STEAP1B: variants seen among roughly 807,000 people sequenced by gnomAD.
STEAP1B encodes STEAP family protein MGC87042.
STEAP1B carries 13 observed loss-of-function variants against 27.9 expected under a neutral mutation model. The observed-to-expected ratio is 0.47, with a 90% confidence interval of 0.30 to 0.74. The LOEUF is 0.74. Among genes scored for constraint, STEAP1B ranks in the 30% least tolerant of loss-of-function variants. The pLI is 0.06. For synonymous variants in STEAP1B, 86 were observed against 107.1 expected, an observed-to-expected ratio of 0.80 and a Z score of 1.22; for missense variants, 250 against 298.7, an observed-to-expected ratio of 0.84 and a Z score of 1.20.
intron 4 of STEAP1B, among the ~76,000 whole-genome samples, chr7:22,469,477 C>G (rs1785843200): frequency 6.6e-6 from 1 of 152,172 alleles, no homozygotes; most frequent in Non-Finnish European, 1.5e-5. Context: ...CACTTTCACT[C>G]ACCACTTGCT....
chr7:22,480,981 T>G (rs1171770538), intron 4 of STEAP1B, among the ~76,000 whole-genome samples: 1 of 152,258 alleles, frequency 6.6e-6, no homozygotes, highest in Non-Finnish European at 1.5e-5. Context: ...ATGTTCATAA[T>G]GGTTACCACT....
At chr7:22,467,700 C>A (rs576907128) in intron 4 of STEAP1B, among the ~76,000 whole-genome samples, 1 of 152,142 alleles carries the variant, frequency 6.6e-6, no homozygotes, top group Admixed American at 6.5e-5. Context: ...GTGAGACGTG[C>A]CTTTTACCTT....
Position 22,493,577 on chromosome 7 carries a change from T to A in STEAP1B, c.344A>T (p.Asn115Ile). Reference sequence around the variant, plus strand: ...GATGGAAACCATTGGCAAGACTTTGTTGATGACCAGGATTGGAATTTTATA... The same window carrying A: ...GATGGAAACCATTGGCAAGACTTTGATGATGACCAGGATTGGAATTTTATA... Reference protein sequence around the residue: ...YFYKIPILVINKVLPMVSITL... With the variant: ...YFYKIPILVIIKVLPMVSITL... The change falls in exon 3 of 5, where the codon AAC becomes ATC. Residue 115 changes from asparagine (N) to isoleucine (I), a missense_variant. Coordinates refer to ENST00000678116, the MANE Select transcript of STEAP1B (RefSeq NM_001382447.1). 1 of 1,613,944 alleles carries A rather than the reference T, an allele frequency of 6.2e-7. No homozygotes were observed. The highest frequency in any genetic ancestry group is 1.7e-5 in the Admixed American group (1 of 60,018).
chr7:22,439,727 G>C (rs1328293577), intron 4 of STEAP1B, among the ~76,000 whole-genome samples: 2 of 152,144 alleles, frequency 1.3e-5, no homozygotes, highest in Non-Finnish European at 2.9e-5. Context: ...CACTGTGATT[G>C]ATATTCCACT....
intron 4 of STEAP1B, among the ~76,000 whole-genome samples, chr7:22,454,843 A>ATATGTG (rs1235580449): frequency 1.1e-5 from 1 of 93,412 alleles, no homozygotes. Flanking sequence ...ATATATATAT[A>ATATGTG]TATATGTATA....
chr7:22,422,494 ATTT>A (rs35793677), intron 4 of STEAP1B, among the ~76,000 whole-genome samples: 2 of 145,682 alleles, frequency 1.4e-5, no homozygotes, highest in South Asian at 2.2e-4. Flanking sequence ...TATTTGTGTA[ATTT>A]TTTTTTTTTT....
chr7:22,471,893 C>CAAAAAAAAAAAAAAAAAAAAAA (rs59453902), intron 4 of STEAP1B, among the ~76,000 whole-genome samples: 1 of 60,180 alleles, frequency 1.7e-5, no homozygotes, highest in Non-Finnish European at 3.2e-5. Context: ...AACCTGTCTC[C>CAAAAAAAAAAAAAAAAAAAAAA]AAAAAAAAAA....
At chr7:22,461,757 C>A (rs1785682296) in intron 4 of STEAP1B, among the ~76,000 whole-genome samples, 1 of 152,224 alleles carries the variant, frequency 6.6e-6, no homozygotes, top group South Asian at 2.1e-4. Context: ...CTTCATGGTG[C>A]AAACAAGCTC....
At chr7:22,469,216 A>AT in intron 4 of STEAP1B, among the ~76,000 whole-genome samples, 1 of 152,300 alleles carries the variant, frequency 6.6e-6, no homozygotes, top group East Asian at 1.9e-4. Context: ...TTTAACAAAA[A>AT]TTTTAAGAAG....
At chr7:22,473,551 A>T (rs983530011) in intron 4 of STEAP1B, among the ~76,000 whole-genome samples, 2 of 152,232 alleles carry the variant, frequency 1.3e-5, no homozygotes. Context: ...TGAAATGATG[A>T]CTGAGACATT....
chr7:22,497,778 G>C (rs1786467266), intron 1 of STEAP1B, among the ~76,000 whole-genome samples: 1 of 152,180 alleles, frequency 6.6e-6, no homozygotes, highest in Non-Finnish European at 1.5e-5. Flanking sequence ...TGGTTCCATA[G>C]GCTGTAAAGG....
At chr7:22,480,295 A>G (rs1786046138) in intron 4 of STEAP1B, among the ~76,000 whole-genome samples, 1 of 152,192 alleles carries the variant, frequency 6.6e-6, no homozygotes, top group Non-Finnish European at 1.5e-5. Flanking sequence ...TCCCACATAC[A>G]CAGCATTTTT....
At chr7:22,491,766 T>A (rs1786326775) in intron 4 of STEAP1B, among the ~76,000 whole-genome samples, 1 of 152,110 alleles carries the variant, frequency 6.6e-6, no homozygotes, top group South Asian at 2.1e-4. Context: ...GACTAAGGAC[T>A]TACCTTTTAA....
intron 1 of STEAP1B, among the ~76,000 whole-genome samples, chr7:22,498,567 T>C (rs1213320370): frequency 2.0e-5 from 3 of 152,170 alleles, no homozygotes; most frequent in African/African-American, 7.2e-5. Flanking sequence ...TGAACAACAA[T>C]GTAAGGCAGG....
At chr7:22,463,442 T>C (rs991627716) in intron 4 of STEAP1B, among the ~76,000 whole-genome samples, 4 of 152,102 alleles carry the variant, frequency 2.6e-5, no homozygotes, top group African/African-American at 9.7e-5. Context: ...CTTCACAGAA[T>C]TGGAAAAAAC....
chr7:22,429,485 C>A (rs139976489), intron 4 of STEAP1B, among the ~76,000 whole-genome samples: 1 of 152,086 alleles, frequency 6.6e-6, no homozygotes, highest in Admixed American at 6.5e-5. Flanking sequence ...CAGTAGATGT[C>A]TGAAGAGTGG....
chr7:22,450,043 CCTTGTCAGATAGGTAA>C (rs1188957158), intron 4 of STEAP1B, among the ~76,000 whole-genome samples: 37 of 152,072 alleles, frequency 2.4e-4, no homozygotes, highest in Non-Finnish European at 5.1e-4. Context: ...GATATTAACC[CCTTGTCAGATAGGTAA>C]CTTGCAAATA....
chr7:22,476,412 G>A (rs1482407300), intron 4 of STEAP1B, among the ~76,000 whole-genome samples: 1 of 152,130 alleles, frequency 6.6e-6, no homozygotes, highest in Non-Finnish European at 1.5e-5. Context: ...AGGGGTGGTG[G>A]GCTGGACAGG....
intron 4 of STEAP1B, among the ~76,000 whole-genome samples, chr7:22,477,338 A>G (rs929511232): frequency 1.3e-5 from 2 of 152,086 alleles, no homozygotes; most frequent in Admixed American, 6.5e-5. Flanking sequence ...ATGGCTTCCT[A>G]TTAATGCCCC....
Sources: allele counts gnomAD v4.1 joint callset (sites outside exome capture counted in the v4.1 genomes callset), GRCh38; gene constraint gnomAD v4.1.1; transcripts MANE v1.5; gene names NCBI Gene and HGNC (gene_info 2026-07-23, HGNC 2026-07-21).